Variants in PRKCE observed in about 807,000 individuals in gnomAD.
PRKCE encodes the protein protein kinase C epsilon type.
In PRKCE, 16 loss-of-function variants were observed where a neutral mutation model predicts 85.4. That is an observed-to-expected ratio of 0.19 (90% CI 0.13 to 0.28). The LOEUF is 0.28. PRKCE is among the 10% of genes least tolerant of loss of function. The probability of loss-of-function intolerance (pLI) is 1.00; values close to 1 mark genes in which losing one functional copy is unlikely to be tolerated. For missense variants in PRKCE, 573 were observed against 975.2 expected, an observed-to-expected ratio of 0.59 and a Z score of 5.49; for synonymous variants, 388 against 371.5, an observed-to-expected ratio of 1.04 and a Z score of -0.51.
At chr2:46,011,726 CT>C (rs995809331) in intron 10 of PRKCE, among the ~76,000 whole-genome samples, 1 of 152,120 alleles carries the variant, frequency 6.6e-6, no homozygotes, top group Non-Finnish European at 1.5e-5. Flanking sequence ...GTTTAATCTA[CT>C]TTTCCGAACT....
intron 1 of PRKCE, among the ~76,000 whole-genome samples, chr2:45,667,523 G>A (rs920674741): frequency 6.6e-6 from 1 of 151,952 alleles, no homozygotes; most frequent in Non-Finnish European, 1.5e-5. Context: ...TTGCACTAGG[G>A]TATTCTCCTT....
intron 2 of PRKCE, among the ~76,000 whole-genome samples, chr2:45,950,835 T>A (rs947572991): frequency 2.0e-5 from 3 of 152,194 alleles, no homozygotes; most frequent in Admixed American, 2.0e-4. Flanking sequence ...GAGGGAGTAC[T>A]GGTGTTCCTA....
rs1352570045 is a variant in PRKCE, at chr2:45,652,333, A to T, written c.233A>T (p.Lys78Met). The change falls in exon 1 of 15, where the codon AAG becomes ATG. Residue 78 changes from lysine to methionine, a missense_variant. Around this residue, in one of 11 missense-constraint regions of PRKCE, gnomAD observed 100 missense variants for 177.1 expected, o/e 0.56. Transcript: ENST00000306156. The surrounding 1 kb of genome is among the most constrained non-coding windows in gnomAD (Gnocchi z 7.7). ...EFVTDVCNGR[K>M]IELAVFHDAP... Reference sequence around the variant, plus strand: ...GTCACCGATGTGTGCAACGGACGCAAGATCGAGCTGGCTGTCTTTCACGAT... The same window carrying T: ...GTCACCGATGTGTGCAACGGACGCATGATCGAGCTGGCTGTCTTTCACGAT... 1 of 1,613,764 alleles carries T rather than the reference A, an allele frequency of 6.2e-7. No individual in the cohort carries two copies. The highest frequency in any genetic ancestry group is 1.1e-5 in the South Asian group (1 of 91,076).
intron 11 of PRKCE, among the ~76,000 whole-genome samples, chr2:46,141,747 T>C (rs1675555276): frequency 6.6e-6 from 1 of 151,372 alleles, no homozygotes; most frequent in Non-Finnish European, 1.5e-5. Context: ...TACCCTGGCC[T>C]TGTATTTGAG....
At chr2:45,836,505 C>G (rs370310385) in intron 1 of PRKCE, among the ~76,000 whole-genome samples, 3 of 152,334 alleles carry the variant, frequency 2.0e-5, no homozygotes, top group South Asian at 4.1e-4. Flanking sequence ...TTTCTGCTTT[C>G]CAAATGCAGA....
intron 1 of PRKCE, among the ~76,000 whole-genome samples, chr2:45,787,622 A>G (rs1343468900): frequency 6.6e-6 from 1 of 152,144 alleles, no homozygotes; most frequent in African/African-American, 2.4e-5. Context: ...GGGGTATCCC[A>G]TTTTCTCTTT....
rs145712943 is a variant in PRKCE, at chr2:45,986,008, A to C, written c.823+1328A>C. Among the ~76,000 whole-genome samples, 227 of 152,368 alleles carry C rather than the reference A, an allele frequency of 1.5e-3. 2 individuals carry two copies. Among genetic ancestry groups the C allele is most frequent in the African/African-American group, 5.1e-3 (213 of 41,592 alleles). Reference sequence around the variant, plus strand: ...TTGAGTATGAAGAGAAAAAAGTCAAAGATAACACCATGAGGGTGGGTACCA... The same window carrying C: ...TTGAGTATGAAGAGAAAAAAGTCAACGATAACACCATGAGGGTGGGTACCA... On this transcript the variant is annotated intron_variant, in intron 6 of 14. Transcript: ENST00000306156.
chr2:45,712,961 G>A (rs1024403542), intron 1 of PRKCE, among the ~76,000 whole-genome samples: 1 of 152,178 alleles, frequency 6.6e-6, no homozygotes, highest in Non-Finnish European at 1.5e-5. Flanking sequence ...GTGACTAGAT[G>A]AATAATAATG....
At chr2:45,849,915 C>T (rs1053079772) in intron 2 of PRKCE, among the ~76,000 whole-genome samples, 15 of 152,280 alleles carry the variant, frequency 9.9e-5, no homozygotes, top group Non-Finnish European at 1.9e-4. Context: ...TGACTATATG[C>T]ACCAGATGAG....
At position 46,055,812 on chromosome 2, in the gene PRKCE, A is replaced by G. The variant is rs563265527; in HGVS notation, c.1438-30396A>G. The stretch of plus-strand genomic sequence containing the variant: ...CTAGTAGCTGGGACCACAGGTGCAC[A>G]CCACCACGCCTAGCTAATTTGTATA... On this transcript the variant is annotated intron_variant, in intron 10 of 14. Transcript: ENST00000306156. Among the ~76,000 whole-genome samples, 20 of 152,188 alleles carry G rather than the reference A, an allele frequency of 1.3e-4. 1 individual carries two copies. The highest frequency in any genetic ancestry group is 4.8e-4 in the African/African-American group (20 of 41,526).
chr2:46,043,594 G>T (rs1391996909), intron 10 of PRKCE, among the ~76,000 whole-genome samples: 2 of 152,216 alleles, frequency 1.3e-5, no homozygotes, highest in African/African-American at 4.8e-5. Flanking sequence ...CAGCAAAAAT[G>T]AGTTCTTGGT....
intron 12 of PRKCE, among the ~76,000 whole-genome samples, chr2:46,149,874 T>G (rs1676442086): frequency 6.6e-6 from 1 of 151,066 alleles, no homozygotes; most frequent in African/African-American, 2.4e-5. Context: ...TTTTTTTTTT[T>G]GAGATAGGGT....
rs571637283 is a variant in PRKCE, at chr2:45,909,087, C to G, written c.412+66024C>G. On this transcript the variant is annotated intron_variant, in intron 2 of 14. Transcript: ENST00000306156. ...AAGATTGGCAGAGAAAAACACCAAACAGTTTTGCTAAAATAACGTCATTAG... is the reference window on the plus strand; with the variant it reads ...AAGATTGGCAGAGAAAAACACCAAAGAGTTTTGCTAAAATAACGTCATTAG... Among the ~76,000 whole-genome samples, 117 of 152,318 alleles carry G rather than the reference C, an allele frequency of 7.7e-4. 1 individual carries two copies. The highest frequency in any genetic ancestry group is 7.6e-3 in the Admixed American group (116 of 15,300).
rs1384311785 is a variant in PRKCE, at chr2:45,904,275, A to G, written c.412+61212A>G. The stretch of plus-strand genomic sequence containing the variant: ...AAACAGACAAAACAGTTTCTTAGAA[A>G]GAAGCCGGTTGCGTGCGAACCGAGA... On this transcript the variant is annotated intron_variant, in intron 2 of 14. Transcript: ENST00000306156. 4.6e-5 allele frequency among the ~76,000 whole-genome samples: 7 copies of G among 152,298 alleles called. No homozygotes were observed. In the East Asian group the frequency reaches 1.3e-3, roughly 29 times the overall value.
intron 2 of PRKCE, among the ~76,000 whole-genome samples, chr2:45,921,108 C>T (rs114158496): frequency 2.6e-5 from 4 of 152,182 alleles, no homozygotes; most frequent in South Asian, 2.1e-4. Flanking sequence ...TTCACAAAAT[C>T]GAAATAAACT....
intron 2 of PRKCE, among the ~76,000 whole-genome samples, chr2:45,923,660 T>C (rs1291891824): frequency 6.6e-6 from 1 of 151,992 alleles, no homozygotes; most frequent in East Asian, 1.9e-4. Flanking sequence ...TGTGTGCAGG[T>C]TTGTGATTAA....
chr2:46,010,232 T>C, intron 9 of PRKCE, 112 bp from the exon 10 acceptor site: 1 of 1,241,704 alleles, frequency 8.1e-7, no homozygotes, highest in Non-Finnish European at 1.1e-6. Context: ...GTTATAATAT[T>C]TAAAATTAAA....
At chr2:46,151,916 TC>T (rs1172540394) in intron 13 of PRKCE, among the ~76,000 whole-genome samples, 1 of 151,766 alleles carries the variant, frequency 6.6e-6, no homozygotes, top group Non-Finnish European at 1.5e-5. Flanking sequence ...CCTTTTGAAA[TC>T]CGTGAAAGCT....
chr2:46,009,344 T>C (rs1705468034), intron 9 of PRKCE, among the ~76,000 whole-genome samples: 1 of 152,186 alleles, frequency 6.6e-6, no homozygotes, highest in South Asian at 2.1e-4. Flanking sequence ...TGTGTATAAA[T>C]TTGTAAGAAA....
Sources: allele counts gnomAD v4.1 joint callset (sites outside exome capture counted in the v4.1 genomes callset), GRCh38; gene constraint gnomAD v4.1.1; regional missense constraint gnomAD v4.1.1; non-coding constraint Gnocchi (gnomAD v3.1); transcripts MANE v1.5; gene names NCBI Gene and HGNC (gene_info 2026-07-23, HGNC 2026-07-21).